Variants in UMAD1 observed in about 807,000 individuals in gnomAD.
The protein encoded by UMAD1 is UBAP1-MVB12-associated (UMA)-domain containing protein 1.
In UMAD1, 8 loss-of-function variants were observed where a neutral mutation model predicts 6.1. The ratio of observed to expected loss-of-function variants is 1.30; its 90% confidence interval spans 0.76 to 2.35. The LOEUF (loss-of-function observed/expected upper bound fraction) is 2.35, where lower values mean the gene tolerates loss of function less well. Ranked by LOEUF, UMAD1 falls within the 30% of genes most tolerant of loss-of-function variation. The pLI is 0.00. For synonymous variants in UMAD1, 56 were observed against 31.4 expected (o/e 1.78, Z -2.61); for missense variants, 130 against 78.4 (o/e 1.66, Z -2.49).
intron 1 of UMAD1, among the ~76,000 whole-genome samples, chr7:7,652,479 T>C (rs533454474): frequency 6.6e-6 from 1 of 152,354 alleles, no homozygotes; most frequent in South Asian, 2.1e-4. Context: ...GCTAGCAATA[T>C]TTTTGACTAG....
chr7:7,707,226 A>G (rs894195288), intron 2 of UMAD1, among the ~76,000 whole-genome samples: 1 of 152,214 alleles, frequency 6.6e-6, no homozygotes, highest in Non-Finnish European at 1.5e-5. Flanking sequence ...GATTATATTC[A>G]TTATGGTTAT....
At chr7:7,683,647 G>C (rs1779966572) in intron 2 of UMAD1, among the ~76,000 whole-genome samples, 2 of 151,172 alleles carry the variant, frequency 1.3e-5, no homozygotes, top group Non-Finnish European at 2.9e-5. Flanking sequence ...TTTAGACGGA[G>C]TTTTTGCTCT....
At chr7:7,757,316 C>T (rs1194320422) in intron 2 of UMAD1, among the ~76,000 whole-genome samples, 2 of 152,180 alleles carry the variant, frequency 1.3e-5, no homozygotes, top group Admixed American at 1.3e-4. Flanking sequence ...TTCCTTTTCT[C>T]ATTTTTTAGA....
chr7:7,823,639 TA>T (rs1311382249), intron 3 of UMAD1, among the ~76,000 whole-genome samples: 1 of 152,156 alleles, frequency 6.6e-6, no homozygotes, highest in East Asian at 1.9e-4. Context: ...TTTCATTTTT[TA>T]AAAAAGAGAA....
At chr7:7,780,167 T>G (rs369603197) in intron 2 of UMAD1, among the ~76,000 whole-genome samples, 11 of 152,256 alleles carry the variant, frequency 7.2e-5, no homozygotes, top group African/African-American at 2.4e-4. Flanking sequence ...AGTGTTCCTG[T>G]CTTAACAACC....
At chr7:7,651,041 T>C (rs994703071) in intron 1 of UMAD1, among the ~76,000 whole-genome samples, 16 of 152,192 alleles carry the variant, frequency 1.1e-4, no homozygotes, top group African/African-American at 3.9e-4. Context: ...GCAACCCCTC[T>C]GTAGCCAAAG....
chr7:7,849,864 T>C (rs1033351443), intron 3 of UMAD1, among the ~76,000 whole-genome samples: 5 of 152,162 alleles, frequency 3.3e-5, no homozygotes, highest in African/African-American at 1.2e-4. Context: ...TGAGTGGTTT[T>C]AAGCTGAGAC....
intron 2 of UMAD1, among the ~76,000 whole-genome samples, chr7:7,732,497 GA>G (rs1033514761): frequency 2.6e-5 from 4 of 152,008 alleles, no homozygotes; most frequent in African/African-American, 4.8e-5. Flanking sequence ...ATTTATGACA[GA>G]AAAAAATTAA....
At chr7:7,805,357 C>T (rs1023559196) in intron 3 of UMAD1, among the ~76,000 whole-genome samples, 1 of 152,092 alleles carries the variant, frequency 6.6e-6, no homozygotes, top group African/African-American at 2.4e-5. Context: ...ACCAATTCCC[C>T]CTGAGGTACC....
At chr7:7,852,388 T>G (rs1563260229) in intron 3 of UMAD1, among the ~76,000 whole-genome samples, 1 of 152,006 alleles carries the variant, frequency 6.6e-6, no homozygotes, top group Non-Finnish European at 1.5e-5. Context: ...TTTTTCGAGA[T>G]AGTGTCAGAT....
At chr7:7,682,432 C>T (rs1779935030) in intron 2 of UMAD1, among the ~76,000 whole-genome samples, 1 of 152,106 alleles carries the variant, frequency 6.6e-6, no homozygotes, top group Non-Finnish European at 1.5e-5. Context: ...TTTAAACTAT[C>T]ATATTTTTAT....
At chr7:7,646,480 ATTTTTTTTTTTTT>A (rs35948027) in intron 1 of UMAD1, among the ~76,000 whole-genome samples, 2 of 111,360 alleles carry the variant, frequency 1.8e-5, no homozygotes, top group African/African-American at 3.6e-5. Flanking sequence ...CTTTCGCTGG[ATTTTTTTTTTTTT>A]TTTTTTTTTT....
chr7:7,767,319 G>T (rs1040976011), intron 2 of UMAD1, among the ~76,000 whole-genome samples: 1 of 151,842 alleles, frequency 6.6e-6, no homozygotes, highest in African/African-American at 2.4e-5. Context: ...TAGAGACGGG[G>T]TTTCACCATG....
At chr7:7,654,962 C>G (rs113136829) in intron 1 of UMAD1, among the ~76,000 whole-genome samples, 1,619 of 150,514 alleles carry the variant, frequency 0.011, 27 homozygotes, top group African/African-American at 0.036. Flanking sequence ...ATTTTTTTGA[C>G]TATTTTTGCT....
intron 1 of UMAD1, among the ~76,000 whole-genome samples, chr7:7,642,017 T>A (rs561340157): frequency 6.6e-6 from 1 of 152,354 alleles, no homozygotes; most frequent in Admixed American, 6.5e-5. Flanking sequence ...GTGGTTGTAT[T>A]GGTGCAAGTC....
chr7:7,670,153 A>G (rs2115103484), intron 1 of UMAD1, among the ~76,000 whole-genome samples: 1 of 152,304 alleles, frequency 6.6e-6, no homozygotes, highest in Non-Finnish European at 1.5e-5. Flanking sequence ...CTTATACTAC[A>G]CTTGAGTTTA....
chr7:7,802,242 G>A (rs777137210), intron 3 of UMAD1, among the ~76,000 whole-genome samples: 1 of 152,196 alleles, frequency 6.6e-6, no homozygotes, highest in Non-Finnish European at 1.5e-5. Context: ...GCTGGGCATG[G>A]TGGCATGTGC....
chr7:7,798,950 GTGTTTT>G (rs1259584438), intron 2 of UMAD1, among the ~76,000 whole-genome samples: 9 of 152,102 alleles, frequency 5.9e-5, no homozygotes, highest in Admixed American at 4.6e-4. Context: ...GAAATTGTCA[GTGTTTT>G]TGTTTTTGTT....
At chr7:7,720,779 G>T (rs1308170624) in intron 2 of UMAD1, among the ~76,000 whole-genome samples, 3 of 152,170 alleles carry the variant, frequency 2.0e-5, no homozygotes, top group African/African-American at 7.2e-5. Flanking sequence ...CAGGTGTGCT[G>T]CCTTCTAGTA....
Sources: allele counts gnomAD v4.1 joint callset (sites outside exome capture counted in the v4.1 genomes callset), GRCh38; gene constraint gnomAD v4.1.1; transcripts MANE v1.5; gene names NCBI Gene and HGNC (gene_info 2026-07-23, HGNC 2026-07-21).